The following HYAL4 variants were observed in gnomAD, a reference collection of about 807,000 sequenced individuals.
The protein encoded by HYAL4 is hyaluronidase-4.
HYAL4 carries 37 observed loss-of-function variants against 35.2 expected under a neutral mutation model. The ratio of observed to expected loss-of-function variants is 1.05; its 90% CI spans 0.81 to 1.38. HYAL4 has a LOEUF of 1.38. Ranked by LOEUF, HYAL4 falls within the 40% of genes most tolerant of loss-of-function variation. The probability of loss-of-function intolerance (pLI) is 0.00; values close to 1 mark genes in which losing one functional copy is unlikely to be tolerated. For missense variants in HYAL4, 572 were observed against 572.4 expected (o/e 1.00, Z 0.01); for synonymous variants, 198 against 203.2 (o/e 0.97, Z 0.22).
the HYAL4 span, among the ~76,000 whole-genome samples, chr7:123,795,789 AGTT>A: frequency 1.2e-4 from 18 of 152,308 alleles, 1 homozygote; most frequent in African/African-American, 4.3e-4. Context: ...AAACATATGA[AGTT>A]GTAAGTATGA....
chr7:123,857,683 TTCTTTCTTTCTTTC>T (rs1806481680), intron 2 of HYAL4, among the ~76,000 whole-genome samples: 1 of 136,472 alleles, frequency 7.3e-6, no homozygotes, highest in South Asian at 2.5e-4. Flanking sequence ...CTTTCTTTCT[TTCTTTCTTTCTTTC>T]TTTCTTTCTT....
upstream of HYAL4, among the ~76,000 whole-genome samples, chr7:123,841,496 G>A (rs1806058054): frequency 6.6e-6 from 1 of 152,072 alleles, no homozygotes; most frequent in Non-Finnish European, 1.5e-5. Context: ...TCAGGATGAT[G>A]TTGGCCTCAT....
chr7:123,857,175 C>T (rs1323529816), intron 2 of HYAL4, among the ~76,000 whole-genome samples: 1 of 152,180 alleles, frequency 6.6e-6, no homozygotes, highest in Non-Finnish European at 1.5e-5. Context: ...TCTTCACCCC[C>T]TTTCCAGGGG....
intron 2 of HYAL4, among the ~76,000 whole-genome samples, chr7:123,850,460 C>CT (rs1485064978): frequency 6.6e-6 from 1 of 152,096 alleles, no homozygotes; most frequent in African/African-American, 2.4e-5. Context: ...AAGCTGGTCT[C>CT]TAACTCTTGG....
At chr7:123,781,970 G>T in the HYAL4 span, among the ~76,000 whole-genome samples, 2 of 152,076 alleles carry the variant, frequency 1.3e-5, no homozygotes, top group Non-Finnish European at 2.9e-5. Context: ...GCAGTGGCAA[G>T]TTCCTGGCTC....
the HYAL4 span, among the ~76,000 whole-genome samples, chr7:123,792,871 C>T: frequency 6.6e-6 from 1 of 152,162 alleles, no homozygotes; most frequent in South Asian, 2.1e-4. Context: ...AAGCTCCCTC[C>T]TACCATGGTC....
the HYAL4 span, among the ~76,000 whole-genome samples, chr7:123,813,597 C>G: frequency 1.3e-5 from 2 of 152,170 alleles, no homozygotes; most frequent in African/African-American, 4.8e-5. Flanking sequence ...AGGGTAACTG[C>G]TCTCTGTTTT....
rs1186549601 is a variant in HYAL4, at chr7:123,845,540, C to T, written c.-267C>T. 1 of 152,050 alleles carries T rather than the reference C, an allele frequency of 6.6e-6. No individual in the cohort carries two copies. Among genetic ancestry groups the T allele is most frequent in the Non-Finnish European group, 1.5e-5 (1 of 68,010 alleles). 9.4% of individuals were successfully genotyped at this position (152,050 alleles called of 1,614,324 possible). ...CCATCTATTTCACTGAAGATTCCGC[C>T]TCTCATTTCTTGAGTCATTTTTTTT... On this transcript the variant is annotated 5_prime_UTR_variant, in exon 1 of 5. Transcript: ENST00000223026.
chr7:123,781,607 C>T, the HYAL4 span, among the ~76,000 whole-genome samples: 2 of 151,982 alleles, frequency 1.3e-5, no homozygotes, highest in Non-Finnish European at 2.9e-5. Context: ...CCCCTACACA[C>T]GTATGCACTT....
upstream of HYAL4, among the ~76,000 whole-genome samples, chr7:123,844,540 C>G (rs970614576): frequency 6.6e-6 from 1 of 152,176 alleles, no homozygotes; most frequent in African/African-American, 2.4e-5. Flanking sequence ...AAACGCGGTG[C>G]TGGGAGAACC....
At chr7:123,786,107 C>T in the HYAL4 span, among the ~76,000 whole-genome samples, 33 of 152,192 alleles carry the variant, frequency 2.2e-4, no homozygotes, top group African/African-American at 7.5e-4. Context: ...GGACATGATT[C>T]ACCTTTTAAT....
the HYAL4 span, chr7:123,790,531 CA>C: frequency 3.3e-5 from 5 of 149,940 alleles, no homozygotes; most frequent in South Asian, 2.1e-4. Flanking sequence ...AAACTTAGTG[CA>C]AAGTACCTTT....
the HYAL4 span, among the ~76,000 whole-genome samples, chr7:123,794,865 G>A: frequency 6.6e-6 from 1 of 152,180 alleles, no homozygotes; most frequent in Admixed American, 6.5e-5. Flanking sequence ...TGAGAAGAGG[G>A]CCACTGTCCT....
At chr7:123,784,153 G>T in the HYAL4 span, among the ~76,000 whole-genome samples, 1 of 152,138 alleles carries the variant, frequency 6.6e-6, no homozygotes, top group African/African-American at 2.4e-5. Flanking sequence ...GTATTTTAAA[G>T]TACGTCTAGT....
chr7:123,786,420 A>G, the HYAL4 span, among the ~76,000 whole-genome samples: 1 of 152,070 alleles, frequency 6.6e-6, no homozygotes, highest in African/African-American at 2.4e-5. Flanking sequence ...CTTTTGACCC[A>G]TTTGAAAAAT....
At chr7:123,786,051 C>T in the HYAL4 span, among the ~76,000 whole-genome samples, 2 of 152,136 alleles carry the variant, frequency 1.3e-5, no homozygotes, top group Admixed American at 6.5e-5. Context: ...TTACAAATAG[C>T]CAAAATCCCA....
the HYAL4 span, among the ~76,000 whole-genome samples, chr7:123,778,446 A>G: frequency 1.3e-5 from 2 of 151,952 alleles, no homozygotes; most frequent in Non-Finnish European, 2.9e-5. Context: ...TGTCTTTTTT[A>G]GTTTCCTGTA....
upstream of HYAL4, among the ~76,000 whole-genome samples, chr7:123,844,087 T>G (rs965999687): frequency 5.3e-5 from 8 of 152,062 alleles, no homozygotes; most frequent in African/African-American, 1.9e-4. Context: ...ATTCTGATTT[T>G]TAGAATTTTC....
intron 2 of HYAL4, among the ~76,000 whole-genome samples, chr7:123,857,582 T>C (rs1480643427): frequency 1.3e-5 from 2 of 152,164 alleles, no homozygotes; most frequent in Non-Finnish European, 2.9e-5. Context: ...ACCCTCATTC[T>C]GCATTGATCT....
Sources: gnomAD v4.1 joint callset for allele counts (sites outside exome capture counted in the v4.1 genomes callset) on GRCh38, gnomAD v4.1.1 for gene constraint, MANE v1.5 for transcripts, NCBI Gene and HGNC (gene_info 2026-07-23, HGNC 2026-07-21) for gene names.